PFKP: variants seen among roughly 807,000 people sequenced by gnomAD.
The protein encoded by PFKP is phosphofructokinase, platelet.
In PFKP, 101 loss-of-function variants were observed where a neutral mutation model predicts 94.3. The observed-to-expected ratio is 1.07, with a 90% CI of 0.91 to 1.26. The LOEUF is 1.26. Ranked by LOEUF, PFKP falls within the 50% of genes most tolerant of loss-of-function variation. PFKP has a pLI of 0.00. For synonymous variants in PFKP, 573 were observed against 432.6 expected (o/e 1.32, Z -4.03); for missense variants, 1,145 against 1,103.3 (o/e 1.04, Z -0.53).
chr10:3,103,036 G>A (rs1366254339), intron 4 of PFKP, among the ~76,000 whole-genome samples: 2 of 152,198 alleles, frequency 1.3e-5, no homozygotes, highest in African/African-American at 2.4e-5. Flanking sequence ...TCCTGAGTGC[G>A]AGGCAGATGC....
intron 1 of PFKP, among the ~76,000 whole-genome samples, chr10:3,071,837 T>C (rs1377975343): frequency 6.6e-6 from 1 of 152,246 alleles, no homozygotes; most frequent in Non-Finnish European, 1.5e-5. Flanking sequence ...CTAGCATTAA[T>C]GACTCTTTGT....
chr10:3,075,395 G>A (rs564474566), intron 1 of PFKP, among the ~76,000 whole-genome samples: 1 of 151,840 alleles, frequency 6.6e-6, no homozygotes, highest in Non-Finnish European at 1.5e-5. Context: ...GAGGTACACA[G>A]TATACTCAAG....
intron 16 of PFKP, chr10:3,125,123 C>A (rs780453682): frequency 2.3e-6 from 3 of 1,326,310 alleles, no homozygotes; most frequent in Non-Finnish European, 3.0e-6. Context: ...GCGACATGGC[C>A]GAGGCACGAG....
intron 10 of PFKP, among the ~76,000 whole-genome samples, chr10:3,111,975 A>T (rs369394393): frequency 2.3e-4 from 35 of 152,156 alleles, no homozygotes; most frequent in African/African-American, 7.5e-4. Context: ...CTTTTTCCTC[A>T]GAAGCCTCCT....
intron 2 of PFKP, among the ~76,000 whole-genome samples, chr10:3,094,134 G>C (rs1191047038): frequency 1.3e-5 from 2 of 152,180 alleles, no homozygotes; most frequent in Non-Finnish European, 2.9e-5. Context: ...ACTGTGGTCA[G>C]CTGAATGAGC....
chr10:3,120,684 G>C (rs991651441), intron 16 of PFKP, among the ~76,000 whole-genome samples: 6 of 151,992 alleles, frequency 3.9e-5, no homozygotes, highest in Non-Finnish European at 8.8e-5. Flanking sequence ...TTGTGGGACG[G>C]GGTCTTACTC....
At chr10:3,136,405 G>C (rs368702320) in intron 21 of PFKP, 45 bp from the exon 22 acceptor site, 2 of 1,603,842 alleles carry the variant, frequency 1.2e-6, no homozygotes, top group Non-Finnish European at 8.5e-7. Context: ...GGCATCTCCC[G>C]CCAGTGACTG....
intron 1 of PFKP, chr10:3,069,359 G>A (rs1832007596): frequency 1.3e-6 from 2 of 1,590,032 alleles, no homozygotes; most frequent in Non-Finnish European, 1.7e-6. Context: ...AGCCTGGCCC[G>A]CGTGACTTAA....
chr10:3,097,999 ACT>A (rs775289357), intron 2 of PFKP, among the ~76,000 whole-genome samples: 10 of 152,040 alleles, frequency 6.6e-5, no homozygotes, highest in African/African-American at 1.7e-4. Flanking sequence ...ACAGAGCAAG[ACT>A]CTGTCTCAAA....
intron 17 of PFKP, among the ~76,000 whole-genome samples, chr10:3,131,601 C>T (rs181204085): frequency 2.0e-4 from 30 of 152,274 alleles, no homozygotes; most frequent in African/African-American, 3.1e-4. Flanking sequence ...GGACTACAGG[C>T]ACCTGCCACC....
intron 2 of PFKP, among the ~76,000 whole-genome samples, chr10:3,089,796 C>T (rs897901792): frequency 4.0e-5 from 6 of 151,828 alleles, no homozygotes; most frequent in Non-Finnish European, 5.9e-5. Flanking sequence ...CATAGTATCA[C>T]TCATCCCTGG....
intron 10 of PFKP, among the ~76,000 whole-genome samples, chr10:3,111,646 C>G (rs1188259959): frequency 6.6e-6 from 1 of 152,014 alleles, no homozygotes; most frequent in East Asian, 1.9e-4. Context: ...TCTCATCTTA[C>G]AGATGAGGAA....
At chr10:3,096,683 G>C (rs1358630230) in intron 2 of PFKP, among the ~76,000 whole-genome samples, 3 of 151,574 alleles carry the variant, frequency 2.0e-5, no homozygotes, top group Admixed American at 6.6e-5. Context: ...AGTCAATCTG[G>C]AAAGTCAGGA....
At chr10:3,069,218 T>G in intron 1 of PFKP, 1 of 1,322,788 alleles carries the variant, frequency 7.6e-7, no homozygotes, top group Non-Finnish European at 9.7e-7. Context: ...CCCCGGGAAG[T>G]GCTCTGGCGT....
rs1293459472 is a variant in PFKP at position 3,113,535 on chromosome 10, G to T, written c.1371+17G>T. On this transcript the variant is annotated intron_variant, in intron 13 of 21. Transcript: ENST00000381125. ...AAGGGCCAGGTGAGTCACCCAGGAT[G>T]CCGTAGGCAGGCAGACACCCTGGCT... is the stretch of plus-strand genomic sequence containing the variant. The T allele has an allele frequency of 6.2e-7, 1 of 1,608,764 alleles. No individual in the cohort carries two copies. Among genetic ancestry groups the T allele is most frequent in the Non-Finnish European group, 8.5e-7 (1 of 1,179,232 alleles).
chr10:3,103,876 C>A lies in PFKP; in HGVS notation c.552C>A (p.Thr184=). The A allele has an allele frequency of 6.2e-7, 1 of 1,614,020 alleles. No homozygotes were observed. Among genetic ancestry groups the A allele is most frequent in the Non-Finnish European group, 8.5e-7 (1 of 1,180,038 alleles). Reference sequence around the variant, plus strand: ...ATGATTTCTGCGGCACCGACATGACCATCGGCACGGACTCCGCCCTGCACA... The same window carrying A: ...ATGATTTCTGCGGCACCGACATGACAATCGGCACGGACTCCGCCCTGCACA... ...IDNDFCGTDM[T]IGTDSALHRI... Residue 184 remains threonine (T), a synonymous_variant, in exon 5 of 22, where the codon ACC becomes ACA. Coordinates refer to ENST00000381125, the MANE Select transcript of PFKP (RefSeq NM_002627.5).
At chr10:3,116,184 A>G (rs1836813227) in intron 13 of PFKP, among the ~76,000 whole-genome samples, 1 of 152,060 alleles carries the variant, frequency 6.6e-6, no homozygotes, top group Non-Finnish European at 1.5e-5. Context: ...CTTTTGATGT[A>G]GAATGATCTT....
chr10:3,125,050 G>T, intron 16 of PFKP: 1 of 1,169,550 alleles, frequency 8.6e-7, no homozygotes, highest in Non-Finnish European at 1.1e-6. Flanking sequence ...GGGGCTGGCA[G>T]GTGAGCACCC....
At chr10:3,132,491 G>C (rs1838709105) in intron 18 of PFKP, 50 bp downstream of exon 18, 2 of 1,295,624 alleles carry the variant, frequency 1.5e-6, no homozygotes, top group African/African-American at 2.9e-5. Flanking sequence ...CCACACCCTG[G>C]TTCTTAGATT....
Sources: allele counts gnomAD v4.1 joint callset (sites outside exome capture counted in the v4.1 genomes callset), GRCh38; gene constraint gnomAD v4.1.1; transcripts MANE v1.5; gene names NCBI Gene and HGNC (gene_info 2026-07-23, HGNC 2026-07-21).